TENM2: variants seen among roughly 807,000 people sequenced by gnomAD.
TENM2 encodes the protein teneurin-2.
In TENM2, 52 loss-of-function variants were observed where a neutral mutation model predicts 245.2. The ratio of observed to expected loss-of-function variants is 0.21; its 90% confidence interval spans 0.17 to 0.27. The LOEUF (loss-of-function observed/expected upper bound fraction) is 0.27. TENM2 is among the 10% of genes least tolerant of loss of function. TENM2 has a pLI of 1.00. For synonymous variants in TENM2, 1,363 were observed against 1,438.9 expected, an observed-to-expected ratio of 0.95 and a Z score of 1.19; for missense variants, 3,046 against 3,666.8, an observed-to-expected ratio of 0.83 and a Z score of 4.37.
At chr5:167,127,628 T>A in the TENM2 span, among the ~76,000 whole-genome samples, 9,752 of 122,736 alleles carry the variant, frequency 0.079, 365 homozygotes, top group South Asian at 0.095. Flanking sequence ...TTTTTTTTTT[T>A]AAAAAAAAAA....
At chr5:168,045,660 A>G (rs1581152216) in intron 5 of TENM2, among the ~76,000 whole-genome samples, 1 of 152,072 alleles carries the variant, frequency 6.6e-6, no homozygotes, top group Admixed American at 6.6e-5. Context: ...AAAGAACCGC[A>G]CCTCCAGTGC....
intron 5 of TENM2, among the ~76,000 whole-genome samples, chr5:168,023,542 G>A (rs1002880999): frequency 2.0e-5 from 3 of 152,304 alleles, no homozygotes; most frequent in East Asian, 1.9e-4. Flanking sequence ...AGTCATGGCC[G>A]GGGTCCAGGG....
intron 2 of TENM2, among the ~76,000 whole-genome samples, chr5:167,603,717 T>A (rs1776815417): frequency 6.6e-6 from 1 of 152,094 alleles, no homozygotes; most frequent in African/African-American, 2.4e-5. Context: ...TTTAAGATCA[T>A]AGAATCAGTT....
chr5:168,063,573 A>C lies in TENM2; in HGVS notation c.1515+1308A>C, dbSNP rs1281652371. Among the ~76,000 whole-genome samples the C allele has an allele frequency of 2.0e-5, 3 of 152,190 alleles. No individual in the cohort carries two copies. In the East Asian group the frequency reaches 5.8e-4, roughly 29 times the overall value. On this transcript the variant is annotated intron_variant, in intron 7 of 28. Coordinates refer to ENST00000518659, the Ensembl canonical transcript of TENM2. ...AAAGCTGACTTTGAAATGTGTTGGA[A>C]AGGCAATTCATCTAGAAAATTCAAT...
chr5:168,098,197 G>A, intron 9 of TENM2, 70 bp downstream of exon 11: 1 of 1,096,490 alleles, frequency 9.1e-7, no homozygotes, highest in South Asian at 1.3e-5. Context: ...GCGGGTAACA[G>A]AAGGGACATC....
At chr5:167,463,740 CCTG>C (rs1766473425) in intron 2 of TENM2, among the ~76,000 whole-genome samples, 2 of 152,264 alleles carry the variant, frequency 1.3e-5, no homozygotes, top group South Asian at 4.1e-4. Flanking sequence ...AGGCGATCTG[CCTG>C]CTTCGGCCCC....
At chr5:167,357,567 C>G (rs1561890323) in intron 1 of TENM2, among the ~76,000 whole-genome samples, 2 of 152,026 alleles carry the variant, frequency 1.3e-5, no homozygotes, top group African/African-American at 4.8e-5. Flanking sequence ...GCCGAGCCAT[C>G]CTTCTTAAGG....
At chr5:167,835,456 C>T (rs1390441108) in intron 2 of TENM2, among the ~76,000 whole-genome samples, 5 of 152,170 alleles carry the variant, frequency 3.3e-5, no homozygotes, top group Non-Finnish European at 7.3e-5. Context: ...TAAACCCATT[C>T]CTTTAATCCT....
At chr5:167,717,662 G>T (rs895162265) in intron 2 of TENM2, among the ~76,000 whole-genome samples, 1 of 152,092 alleles carries the variant, frequency 6.6e-6, no homozygotes, top group Non-Finnish European at 1.5e-5. Context: ...TATAGCAAAG[G>T]AATTGAGCAT....
chr5:167,584,383 A>G (rs13174305), intron 2 of TENM2, among the ~76,000 whole-genome samples: 85,709 of 151,624 alleles, frequency 0.57, 25,868 homozygotes, highest in Middle Eastern at 0.68. Flanking sequence ...GATTGGTTGG[A>G]GGAGGTGACC....
chr5:167,756,374 C>T (rs1199893954), intron 2 of TENM2, among the ~76,000 whole-genome samples: 2 of 152,114 alleles, frequency 1.3e-5, no homozygotes, highest in Non-Finnish European at 2.9e-5. Context: ...ACTTCTGTTG[C>T]TCCCTTGGTT....
the TENM2 span, among the ~76,000 whole-genome samples, chr5:167,260,842 T>C: frequency 6.6e-6 from 1 of 152,150 alleles, no homozygotes; most frequent in African/African-American, 2.4e-5. Flanking sequence ...TTTATTATAA[T>C]TTGAGCTTGG....
At chr5:166,988,470 T>C in the TENM2 span, among the ~76,000 whole-genome samples, 1 of 152,232 alleles carries the variant, frequency 6.6e-6, no homozygotes, top group Non-Finnish European at 1.5e-5. Flanking sequence ...ACTCACCAAA[T>C]TGCAGATTGC....
At chr5:167,077,377 T>C in the TENM2 span, among the ~76,000 whole-genome samples, 5 of 152,278 alleles carry the variant, frequency 3.3e-5, no homozygotes, top group East Asian at 1.9e-4. Flanking sequence ...CCATCAAAAG[T>C]AAAGTCTTCT....
the TENM2 span, chr5:167,165,287 G>A: frequency 6.6e-6 from 1 of 152,304 alleles, no homozygotes; most frequent in Admixed American, 6.5e-5. Context: ...CATCAGAGTC[G>A]TGCAGTGACC....
Position 167,481,327 on chromosome 5 carries a change from C to CT in TENM2, c.502+105861dup, listed in dbSNP as rs541638398. On this transcript the variant is annotated intron_variant, in intron 2 of 28. Coordinates refer to ENST00000518659, the Ensembl canonical transcript of TENM2. ...ATAGATTTACCTCTTTTTTAGAATC[C>CT]TTTTTTTAGAAAAATGTTGTTTTTA... Among the ~76,000 whole-genome samples, 7 of 152,128 alleles carry CT rather than the reference C, an allele frequency of 4.6e-5. No homozygotes were observed. The East Asian group carries it at 1.2e-3, about 25-fold the overall frequency.
Position 168,057,310 on chromosome 5 carries a change from A to AACAC in TENM2, c.1310-4731_1310-4728dup, listed in dbSNP as rs112117017. Reference sequence around the variant, plus strand: ...ACCCCCTACCCCTGTCGCCTCGCCCAACACACACACACACACACACACTCA... The same window carrying AACAC: ...ACCCCCTACCCCTGTCGCCTCGCCCAACACACACACACACACACACACACACTCA... On this transcript the variant is annotated intron_variant, in intron 6 of 28. Coordinates refer to ENST00000518659, the Ensembl canonical transcript of TENM2. 9.3e-3 allele frequency among the ~76,000 whole-genome samples: 1,392 copies of AACAC among 148,972 alleles called. 24 individuals carry two copies. Among genetic ancestry groups the AACAC allele is most frequent in the East Asian group, 0.04 (202 of 5,042 alleles).
chr5:167,304,209 T>C (rs568201522), intron 1 of TENM2, among the ~76,000 whole-genome samples: 4 of 152,318 alleles, frequency 2.6e-5, no homozygotes, highest in South Asian at 4.1e-4. Flanking sequence ...CTTCCCCTCA[T>C]CCTGAGATGC....
At chr5:167,071,494 A>G in the TENM2 span, among the ~76,000 whole-genome samples, 1 of 152,262 alleles carries the variant, frequency 6.6e-6, no homozygotes, top group African/African-American at 2.4e-5. Flanking sequence ...ACAAAAACAA[A>G]GCAAGTTTAC....
Sources: allele counts gnomAD v4.1 joint callset (sites outside exome capture counted in the v4.1 genomes callset), GRCh38; gene constraint gnomAD v4.1.1; transcripts MANE v1.5; gene names NCBI Gene and HGNC (gene_info 2026-07-23, HGNC 2026-07-21).